The following TMEM219 variants were observed in gnomAD, a reference collection of about 807,000 sequenced individuals.
TMEM219 encodes insulin-like growth factor-binding protein 3 receptor.
In TMEM219, 18 loss-of-function variants were observed where a neutral mutation model predicts 17.9. That is an observed-to-expected ratio of 1.01 (90% CI 0.70 to 1.49). TMEM219 has a LOEUF of 1.49. TMEM219 is among the 40% of genes most tolerant of loss of function. The pLI is 0.00. For synonymous variants in TMEM219, 113 were observed against 124.0 expected, an observed-to-expected ratio of 0.91 and a Z score of 0.59; for missense variants, 288 against 292.4, an observed-to-expected ratio of 0.99 and a Z score of 0.11.
chr16:29,968,104 T>A lies in TMEM219; in HGVS notation c.435T>A (p.Ser145Arg), dbSNP rs1181916281. The stretch of plus-strand genomic sequence containing the variant: ...CTGCAGGAACCTGCCTATATTTTAG[T>A]GCTGTTCCAGGAATCCTACCCTCCA... ...ERTAGTCLYF[S>R]AVPGILPSSQ... Residue 145 changes from serine to arginine, a missense_variant, in exon 4 of 6, where the codon AGT (serine) becomes AGA (arginine). Transcript: ENST00000279396. 1.2e-6 allele frequency: 2 copies of A among 1,614,038 alleles called. No individual in the cohort carries two copies. The highest frequency in any genetic ancestry group is 1.7e-5 in the Admixed American group (1 of 59,998).
At chr16:29,967,336 T>TG (rs1345067874) in intron 3 of TMEM219, among the ~76,000 whole-genome samples, 2 of 152,108 alleles carry the variant, frequency 1.3e-5, no homozygotes, top group African/African-American at 4.8e-5. Flanking sequence ...GGGGCAGGCG[T>TG]GGTGGTTCAT....
In TMEM219 at chr16:29,963,249, G is replaced by A; in HGVS notation, c.106G>A (p.Gly36Ser). 1 of 1,613,980 alleles carries A rather than the reference G, an allele frequency of 6.2e-7. No individual in the cohort carries two copies. Among genetic ancestry groups the A allele is most frequent in the East Asian group, 2.2e-5 (1 of 44,880 alleles). Residue 36 changes from glycine (G) to serine (S), a missense_variant, in exon 2 of 6, where the codon GGC becomes AGC. By Grantham distance (56) the Gly-to-Ser change is moderately conservative. Transcript: ENST00000279396. ...ILLLLGLSGL[G>S]LGSFLLTHRT... ...GCTGCTCCTTGGCCTCTCTGGCCTG[G>A]GCCTTGGCAGCTTCCTCCTCACCCA...
intron 4 of TMEM219, among the ~76,000 whole-genome samples, chr16:29,971,158 A>G (rs2069280882): frequency 6.6e-6 from 1 of 151,454 alleles, no homozygotes; most frequent in South Asian, 2.1e-4. Flanking sequence ...AGGCAGGAGA[A>G]TGGCGTGAAC....
intron 3 of TMEM219, 104 bp from the exon 4 acceptor site, chr16:29,967,921 C>T (rs2069233917): frequency 6.7e-6 from 6 of 891,216 alleles, no homozygotes; most frequent in South Asian, 4.9e-5. Context: ...AGCGAGACTC[C>T]GCCTCAAAAA....
chr16:29,969,615 G>T (rs1016891859), intron 4 of TMEM219, among the ~76,000 whole-genome samples: 1 of 151,886 alleles, frequency 6.6e-6, no homozygotes, highest in Non-Finnish European at 1.5e-5. Flanking sequence ...GGAGTTTGAG[G>T]CTGCAGTGAG....
intron 1 of TMEM219, 191 bp from the exon 2 acceptor site, chr16:29,962,916 A>G: frequency 1.7e-6 from 1 of 592,990 alleles, no homozygotes; most frequent in East Asian, 2.8e-5. Flanking sequence ...AGATTACTTC[A>G]GAAATGAAAT....
intron 3 of TMEM219, among the ~76,000 whole-genome samples, chr16:29,964,695 AAAGT>A: frequency 6.6e-6 from 1 of 152,116 alleles, no homozygotes; most frequent in East Asian, 1.9e-4. Context: ...CAAAAAAAAA[AAAGT>A]AAGGTGAGAT....
intron 1 of TMEM219, chr16:29,962,880 C>T (rs1052735258): frequency 2.5e-5 from 12 of 489,402 alleles, no homozygotes; most frequent in South Asian, 2.2e-4. Context: ...TCTTCCAGCA[C>T]GGAGTACACT....
chr16:29,965,442 G>C (rs981683888), intron 3 of TMEM219, among the ~76,000 whole-genome samples: 1 of 151,966 alleles, frequency 6.6e-6, no homozygotes, highest in African/African-American at 2.4e-5. Flanking sequence ...GTTAGGGCCG[G>C]ATGTGGTGGC....
chr16:29,971,090 C>CA (rs1345847802), intron 4 of TMEM219, among the ~76,000 whole-genome samples: 1 of 151,596 alleles, frequency 6.6e-6, no homozygotes, highest in Non-Finnish European at 1.5e-5. Context: ...ACTAAAAATA[C>CA]AAAAAATGAG....
chr16:29,969,442 A>G (rs1366231751), intron 4 of TMEM219, among the ~76,000 whole-genome samples: 2 of 151,626 alleles, frequency 1.3e-5, no homozygotes, highest in African/African-American at 4.8e-5. Context: ...TGATCCACCC[A>G]CCTCAGCCTC....
rs6565173 is a variant in TMEM219 at position 29,962,846 on chromosome 16, G to A, written c.-37-261G>A. 163,436 of 399,658 alleles carry A rather than the reference G, an allele frequency of 0.41. 34,914 individuals are homozygous for A. The highest frequency in any genetic ancestry group is 0.49 in the South Asian group (16,694 of 34,408). 24.8% of individuals were successfully genotyped at this position (399,658 alleles called of 1,614,324 possible). On this transcript the variant is annotated intron_variant, in intron 1 of 5. Coordinates refer to ENST00000279396, the MANE Select transcript of TMEM219 (RefSeq NM_001083613.2). ...AACAGTGCTTCCTGTTTCTCCAGCTGAGAAGTCTCCCTTTCAGTTTCCTTC... is the reference window on the plus strand; with the variant it reads ...AACAGTGCTTCCTGTTTCTCCAGCTAAGAAGTCTCCCTTTCAGTTTCCTTC...
At chr16:29,967,692 C>T (rs2069228652) in intron 3 of TMEM219, among the ~76,000 whole-genome samples, 1 of 152,150 alleles carries the variant, frequency 6.6e-6, no homozygotes, top group Non-Finnish European at 1.5e-5. Context: ...CTTTGGGAGG[C>T]CAAGGCGGGC....
In TMEM219 at chr16:29,968,121, T is replaced by C. The variant is rs370745884; in HGVS notation, c.452T>C (p.Leu151Pro). ...TATTTTAGTGCTGTTCCAGGAATCC[T>C]ACCCTCCAGCCAGCCACCCATATCC... Reference protein sequence around the residue: ...CLYFSAVPGILPSSQPPISCS... With the variant: ...CLYFSAVPGIPPSSQPPISCS... Residue 151 changes from leucine to proline, a missense_variant, in exon 4 of 6, where the codon CTA (leucine) becomes CCA (proline). Coordinates refer to ENST00000279396, the MANE Select transcript of TMEM219 (RefSeq NM_001083613.2). The C allele has an allele frequency of 6.2e-7, 1 of 1,614,036 alleles. No homozygotes were observed. The highest frequency in any genetic ancestry group is 1.3e-5 in the African/African-American group (1 of 74,916).
At chr16:29,971,243 C>CT (rs199826223) in intron 4 of TMEM219, among the ~76,000 whole-genome samples, 165 bp from the exon 5 acceptor site, 40 of 143,474 alleles carry the variant, frequency 2.8e-4, no homozygotes, top group East Asian at 8.0e-4. Flanking sequence ...AAGACTCCAT[C>CT]TCAAAAAAAA....
intron 3 of TMEM219, among the ~76,000 whole-genome samples, chr16:29,964,322 C>CA (rs1038705760): frequency 1.3e-4 from 18 of 141,106 alleles, no homozygotes; most frequent in South Asian, 4.5e-4. Flanking sequence ...AACTCGGTCT[C>CA]AAAAAAAAAA....
intron 4 of TMEM219, among the ~76,000 whole-genome samples, chr16:29,970,575 C>T (rs1487423707): frequency 5.3e-5 from 8 of 152,012 alleles, no homozygotes; most frequent in Non-Finnish European, 1.0e-4. Context: ...CCACCCACCT[C>T]GGCCTCTCAA....
chr16:29,963,086 T>C (rs1362385063), intron 1 of TMEM219, 21 bp from the exon 2 acceptor site: 1 of 1,587,168 alleles, frequency 6.3e-7, no homozygotes, highest in East Asian at 2.2e-5. Context: ...TCTTGTCCCA[T>C]TCTCCCTCCC....
intron 2 of TMEM219, 36 bp from the exon 3 acceptor site, chr16:29,963,364 G>T: frequency 6.2e-7 from 1 of 1,613,602 alleles, no homozygotes; most frequent in Non-Finnish European, 8.5e-7. Flanking sequence ...GGCTTTTGCT[G>T]CTAATCTCAT....
Sources: allele counts gnomAD v4.1 joint callset (sites outside exome capture counted in the v4.1 genomes callset), GRCh38; gene constraint gnomAD v4.1.1; transcripts MANE v1.5; gene names NCBI Gene and HGNC (gene_info 2026-07-23, HGNC 2026-07-21).